PRR16: variants seen among roughly 807,000 people sequenced by gnomAD.
The protein encoded by PRR16 is proline rich 16, also known as protein Largen.
PRR16 carries 6 observed loss-of-function variants against 18.2 expected under a neutral mutation model. That is an observed-to-expected ratio of 0.33 (90% CI 0.18 to 0.65). The LOEUF (loss-of-function observed/expected upper bound fraction) is 0.65. Ranked by LOEUF, PRR16 falls within the 30% of genes least tolerant of loss-of-function variation. The pLI is 0.74. For missense variants in PRR16, 412 were observed against 376.6 expected, an observed-to-expected ratio of 1.09 and a Z score of -0.78; for synonymous variants, 151 against 147.8, an observed-to-expected ratio of 1.02 and a Z score of -0.16.
the PRR16 span, among the ~76,000 whole-genome samples, chr5:120,774,575 A>G: frequency 6.6e-6 from 1 of 152,250 alleles, no homozygotes; most frequent in African/African-American, 2.4e-5. Context: ...CTCAACCCCA[A>G]TAAAAGATTA....
chr5:120,651,414 C>T (rs1755785168), intron 1 of PRR16, among the ~76,000 whole-genome samples: 1 of 152,098 alleles, frequency 6.6e-6, no homozygotes, highest in Non-Finnish European at 1.5e-5. Context: ...ATGCCTATGT[C>T]CTGAATGGTA....
the PRR16 span, among the ~76,000 whole-genome samples, chr5:120,696,487 T>C: frequency 4.6e-5 from 7 of 152,232 alleles, no homozygotes; most frequent in African/African-American, 1.7e-4. Context: ...TGTATTCAAG[T>C]TGAAGAAATT....
chr5:120,495,595 A>G (rs1750218153), intron 1 of PRR16, among the ~76,000 whole-genome samples: 1 of 152,170 alleles, frequency 6.6e-6, no homozygotes, highest in Non-Finnish European at 1.5e-5. Context: ...TTCCATTCAC[A>G]GTTGGATGAA....
At chr5:120,608,758 C>T (rs1453851046) in intron 1 of PRR16, among the ~76,000 whole-genome samples, 1 of 152,154 alleles carries the variant, frequency 6.6e-6, no homozygotes, top group African/African-American at 2.4e-5. Context: ...GGTGTTTCAT[C>T]TCTCATTGCT....
intron 1 of PRR16, among the ~76,000 whole-genome samples, chr5:120,676,898 C>T (rs1205541128): frequency 2.0e-5 from 3 of 152,000 alleles, no homozygotes; most frequent in South Asian, 2.1e-4. Context: ...AAAAGAGGCC[C>T]GAGTCACTCC....
the PRR16 span, among the ~76,000 whole-genome samples, chr5:120,725,507 A>G: frequency 1.3e-5 from 2 of 151,902 alleles, no homozygotes; most frequent in African/African-American, 4.8e-5. Flanking sequence ...AAATTAAAAC[A>G]CACACACACC....
chr5:120,683,183 A>G (rs1757023641), intron 1 of PRR16, among the ~76,000 whole-genome samples: 1 of 152,202 alleles, frequency 6.6e-6, no homozygotes, highest in East Asian at 1.9e-4. Context: ...CTAGCTAAAA[A>G]TCAATCATAT....
Position 120,650,525 on chromosome 5 carries a change from G to T in PRR16, c.160-35429G>T, listed in dbSNP as rs544964851. 6.7e-5 allele frequency among the ~76,000 whole-genome samples: 9 copies of T among 134,646 alleles called. No individual in the cohort carries two copies. In the Admixed American group the frequency reaches 8.3e-4, roughly 12 times the overall value. 88.3% of individuals were successfully genotyped at this position (134,646 alleles called of 152,430 possible). On this transcript the variant is annotated intron_variant, in intron 1 of 1. Transcript: ENST00000407149. ...CCCGGTGTGTGATGTTCCCCTTCCT[G>T]TGTCCATGTGTTCTCATTGTTCAAT...
At chr5:120,656,390 A>T (rs1439471668) in intron 1 of PRR16, among the ~76,000 whole-genome samples, 1 of 150,268 alleles carries the variant, frequency 6.7e-6, no homozygotes, top group Non-Finnish European at 1.5e-5. Context: ...GAAAACTGTT[A>T]TCTTCCTCCA....
At chr5:120,643,414 A>G (rs1247632513) in intron 1 of PRR16, among the ~76,000 whole-genome samples, 3 of 152,150 alleles carry the variant, frequency 2.0e-5, no homozygotes, top group Admixed American at 6.6e-5. Context: ...TTTAGCTTAC[A>G]TTCCAGTAAC....
intron 1 of PRR16, among the ~76,000 whole-genome samples, chr5:120,489,035 G>A (rs998559920): frequency 4.6e-5 from 7 of 152,116 alleles, no homozygotes; most frequent in African/African-American, 7.2e-5. Flanking sequence ...TCTAATTTCT[G>A]TTCTTTTACA....
chr5:120,618,142 C>T (rs1218805150), intron 1 of PRR16, among the ~76,000 whole-genome samples: 1 of 151,946 alleles, frequency 6.6e-6, no homozygotes, highest in Non-Finnish European at 1.5e-5. Flanking sequence ...GATTAGTCAA[C>T]TATTGGATTT....
chr5:120,645,190 G>T (rs562783265), intron 1 of PRR16, among the ~76,000 whole-genome samples: 1 of 152,046 alleles, frequency 6.6e-6, no homozygotes, highest in South Asian at 2.1e-4. Flanking sequence ...GAAAAATTGA[G>T]TAAATACTTT....
chr5:120,684,395 C>A (rs1359443568), intron 1 of PRR16, among the ~76,000 whole-genome samples: 1 of 152,092 alleles, frequency 6.6e-6, no homozygotes, highest in African/African-American at 2.4e-5. Context: ...TTGGTGTTTT[C>A]ATTTTGAGCC....
chr5:120,626,624 A>G (rs1285765421), intron 1 of PRR16, among the ~76,000 whole-genome samples: 1 of 152,172 alleles, frequency 6.6e-6, no homozygotes, highest in Non-Finnish European at 1.5e-5. Flanking sequence ...ATTTTGTCTC[A>G]GTAAAGTTTA....
chr5:120,744,625 A>T, the PRR16 span, among the ~76,000 whole-genome samples: 8,632 of 152,312 alleles, frequency 0.057, 315 homozygotes, highest in South Asian at 0.083. Flanking sequence ...AATGTAAATT[A>T]TCCATTATTT....
chr5:120,688,227 A>G (rs924349859), downstream of PRR16, among the ~76,000 whole-genome samples: 1 of 152,224 alleles, frequency 6.6e-6, no homozygotes, highest in African/African-American at 2.4e-5. Context: ...TTTAGATGGA[A>G]TACAAAAAGA....
At chr5:120,695,581 T>A in the PRR16 span, among the ~76,000 whole-genome samples, 1 of 152,182 alleles carries the variant, frequency 6.6e-6, no homozygotes, top group Non-Finnish European at 1.5e-5. Flanking sequence ...ATCCTGCCAA[T>A]ACCCAATGGA....
chr5:120,757,131 G>A, the PRR16 span, among the ~76,000 whole-genome samples: 1 of 151,902 alleles, frequency 6.6e-6, no homozygotes, highest in Non-Finnish European at 1.5e-5. Context: ...ATGGCTGTGG[G>A]TTTGTGGCCT....
Sources: gnomAD v4.1 joint callset for allele counts (sites outside exome capture counted in the v4.1 genomes callset) on GRCh38, gnomAD v4.1.1 for gene constraint, MANE v1.5 for transcripts, NCBI Gene and HGNC (gene_info 2026-07-23, HGNC 2026-07-21) for gene names.